Variants in CCL28 observed in about 807,000 individuals in gnomAD.
The protein encoded by CCL28 is C-C motif chemokine 28.
In CCL28, 4 loss-of-function variants were observed where a neutral mutation model predicts 7.1. The observed-to-expected ratio is 0.56, with a 90% confidence interval of 0.28 to 1.29. CCL28 has a LOEUF of 1.29. CCL28 is among the 50% of genes most tolerant of loss of function. CCL28 has a pLI of 0.11. For missense variants in CCL28, 151 were observed against 163.4 expected, an observed-to-expected ratio of 0.92 and a Z score of 0.41; for synonymous variants, 55 against 57.8, an observed-to-expected ratio of 0.95 and a Z score of 0.22.
At chr5:43,387,635 G>A (rs2111749367) in intron 2 of CCL28, among the ~76,000 whole-genome samples, 1 of 152,204 alleles carries the variant, frequency 6.6e-6, no homozygotes, top group South Asian at 2.1e-4. Context: ...TGTTGTGGTG[G>A]TGGTGGTTTT....
At chr5:43,370,585 T>C in the CCL28 span, among the ~76,000 whole-genome samples, 1 of 152,098 alleles carries the variant, frequency 6.6e-6, no homozygotes, top group Non-Finnish European at 1.5e-5. Context: ...GGATCTCCCT[T>C]CTCCTTCTGA....
intron 1 of CCL28, among the ~76,000 whole-genome samples, chr5:43,410,937 C>A (rs1289309771): frequency 1.3e-5 from 2 of 152,150 alleles, no homozygotes; most frequent in East Asian, 3.8e-4. Context: ...AAGAGATTGT[C>A]CAGGTTTTTT....
At chr5:43,358,578 G>C in the CCL28 span, among the ~76,000 whole-genome samples, 3 of 152,186 alleles carry the variant, frequency 2.0e-5, no homozygotes, top group African/African-American at 7.2e-5. Flanking sequence ...GTTGGACCTA[G>C]TGCAGAAGAC....
the CCL28 span, among the ~76,000 whole-genome samples, chr5:43,367,186 G>A: frequency 6.6e-6 from 1 of 152,206 alleles, no homozygotes; most frequent in Non-Finnish European, 1.5e-5. Flanking sequence ...GGGTGGATCT[G>A]CTGAGCTAGA....
intron 2 of CCL28, among the ~76,000 whole-genome samples, chr5:43,384,853 A>G (rs1469928435): frequency 6.6e-6 from 1 of 152,128 alleles, no homozygotes; most frequent in Non-Finnish European, 1.5e-5. Context: ...TTTTCTCACA[A>G]CAAAAAATGT....
intron 2 of CCL28, chr5:43,384,045 A>G (rs1288318259): frequency 5.9e-6 from 1 of 169,002 alleles, no homozygotes; most frequent in Non-Finnish European, 1.3e-5. Flanking sequence ...AGCTGAGATC[A>G]TGTCACTGCA....
At chr5:43,403,613 C>A (rs569274383) in intron 1 of CCL28, among the ~76,000 whole-genome samples, 10 of 152,294 alleles carry the variant, frequency 6.6e-5, no homozygotes, top group Admixed American at 5.2e-4. Flanking sequence ...CTTTCCTCCT[C>A]CAAAGGAACG....
At chr5:43,368,665 G>T in the CCL28 span, among the ~76,000 whole-genome samples, 1 of 152,156 alleles carries the variant, frequency 6.6e-6, no homozygotes, top group African/African-American at 2.4e-5. Flanking sequence ...AAGGTCATTA[G>T]GGTGGGCCCT....
the CCL28 span, among the ~76,000 whole-genome samples, chr5:43,364,650 G>T: frequency 2.0e-5 from 3 of 152,100 alleles, no homozygotes; most frequent in Non-Finnish European, 4.4e-5. Context: ...AATATTGACA[G>T]TGGGGTGTTA....
chr5:43,396,827 A>G (rs937382732), intron 1 of CCL28, among the ~76,000 whole-genome samples: 1 of 152,234 alleles, frequency 6.6e-6, no homozygotes, highest in African/African-American at 2.4e-5. Flanking sequence ...CTGTCGCGCT[A>G]CTGGTATCTG....
At chr5:43,398,701 A>T (rs1420604492) in intron 1 of CCL28, among the ~76,000 whole-genome samples, 3 of 152,272 alleles carry the variant, frequency 2.0e-5, no homozygotes, top group Admixed American at 6.5e-5. Context: ...ATACAAAAAA[A>T]TTAGCCGGGC....
At chr5:43,366,541 C>T in the CCL28 span, among the ~76,000 whole-genome samples, 1 of 152,204 alleles carries the variant, frequency 6.6e-6, no homozygotes, top group African/African-American at 2.4e-5. Flanking sequence ...AGGGCACCTG[C>T]CAGATGCCAG....
rs374649741 is a variant in CCL28 at position 43,388,245 on chromosome 5, ATTGT to A, written c.191+101_191+104del. 36 of 1,392,042 alleles carry A rather than the reference ATTGT, an allele frequency of 2.6e-5. No individual in the cohort carries two copies. In the East Asian group the frequency reaches 4.4e-4, roughly 17 times the overall value. The allele number at this position is 1,392,042 out of a possible 1,614,324, so 86.2% of individuals were successfully genotyped here. A position where few individuals can be genotyped will look rare whatever the true frequency, so the allele number is the denominator to read the frequency against. ...TACTCTTCCCTCCCTTGTTTGGATG[ATTGT>A]TTGTATGTTGTAATCAAGCAAAGCC... On this transcript the variant is annotated intron_variant, in intron 2 of 2. Coordinates refer to ENST00000361115, the MANE Select transcript of CCL28 (RefSeq NM_148672.3).
At chr5:43,403,817 G>C (rs1260209671) in intron 1 of CCL28, among the ~76,000 whole-genome samples, 2 of 152,172 alleles carry the variant, frequency 1.3e-5, no homozygotes, top group African/African-American at 2.4e-5. Flanking sequence ...GTCCTTAAAG[G>C]ACCTGATGGA....
At chr5:43,395,724 T>C (rs1740770382) in intron 1 of CCL28, among the ~76,000 whole-genome samples, 1 of 152,074 alleles carries the variant, frequency 6.6e-6, no homozygotes, top group Non-Finnish European at 1.5e-5. Flanking sequence ...GCAAGTTTAT[T>C]AAGAAAGCAA....
chr5:43,388,613 T>C, intron 1 of CCL28, 137 bp from the exon 2 acceptor site: 2 of 781,880 alleles, frequency 2.6e-6, no homozygotes, highest in East Asian at 5.5e-5. Context: ...AATACAGACT[T>C]GGGGCAGGAC....
At chr5:43,407,984 G>C (rs575915085) in intron 1 of CCL28, among the ~76,000 whole-genome samples, 1 of 152,296 alleles carries the variant, frequency 6.6e-6, no homozygotes, top group East Asian at 1.9e-4. Flanking sequence ...CAAAAGTCAG[G>C]AAACAACAGG....
chr5:43,386,450 G>A (rs888401468), intron 2 of CCL28, among the ~76,000 whole-genome samples: 7 of 152,158 alleles, frequency 4.6e-5, no homozygotes, highest in South Asian at 4.1e-4. Flanking sequence ...ATGGAGCCAC[G>A]TGGTGGCTTG....
chr5:43,390,747 A>G (rs1740537078), intron 1 of CCL28, among the ~76,000 whole-genome samples: 2 of 152,224 alleles, frequency 1.3e-5, no homozygotes, highest in Admixed American at 6.5e-5. Context: ...CCAGACTCTT[A>G]GAGGGAAAGT....
Sources: gnomAD v4.1 joint callset for allele counts (sites outside exome capture counted in the v4.1 genomes callset) on GRCh38, gnomAD v4.1.1 for gene constraint, MANE v1.5 for transcripts, NCBI Gene and HGNC (gene_info 2026-07-23, HGNC 2026-07-21) for gene names.